The following RUBCN variants were observed in gnomAD, a reference collection of about 807,000 sequenced individuals.
The protein encoded by RUBCN is run domain Beclin-1-interacting and cysteine-rich domain-containing protein.
A neutral mutation model predicts 113.2 loss-of-function variants in RUBCN; 74 were observed. The observed-to-expected ratio is 0.65, with a 90% CI of 0.54 to 0.79. The LOEUF (loss-of-function observed/expected upper bound fraction) is 0.79, where lower values mean the gene tolerates loss of function less well. Among genes scored for constraint, RUBCN ranks in the 30% least tolerant of loss-of-function variants. RUBCN has a pLI of 0.00. For missense variants in RUBCN, 1,109 were observed against 1,251.7 expected (o/e 0.89, Z 1.72); for synonymous variants, 480 against 490.0 (o/e 0.98, Z 0.27).
intron 1 of RUBCN, among the ~76,000 whole-genome samples, chr3:197,731,887 T>C (rs941686911): frequency 6.6e-6 from 1 of 152,220 alleles, no homozygotes; most frequent in African/African-American, 2.4e-5. Context: ...TTTAGTACTA[T>C]AAGCCATTAT....
intron 2 of RUBCN, among the ~76,000 whole-genome samples, chr3:197,711,570 C>T (rs1433788396): frequency 2.6e-5 from 4 of 152,116 alleles, no homozygotes; most frequent in East Asian, 3.8e-4. Flanking sequence ...CATGGTGGCT[C>T]ATGCCTGTAA....
In RUBCN at chr3:197,673,350, A is replaced by G. The variant is rs570440477; in HGVS notation, c.*1668T>C. The G allele has an allele frequency of 2.0e-5, 3 of 151,606 alleles. No individual in the cohort carries two copies. The highest frequency in any genetic ancestry group is 4.2e-4 in the South Asian group (2 of 4,778). 9.4% of individuals were successfully genotyped at this position (151,606 alleles called of 1,614,324 possible). A position where few individuals can be genotyped will look rare whatever the true frequency, so the allele number is the denominator to read the frequency against. On this transcript the variant is annotated 3_prime_UTR_variant, in exon 20 of 20. Transcript: ENST00000296343. The stretch of plus-strand genomic sequence containing the variant: ...AATGCCTCTCCCACTTCCCTGGGAG[A>G]CTCCTTCTTACCGCCAGCTCAAGCT...
intron 10 of RUBCN, chr3:197,694,137 C>G (rs777168407): frequency 1.1e-5 from 7 of 639,650 alleles, no homozygotes; most frequent in Admixed American, 4.1e-5. Flanking sequence ...GTGATCCACC[C>G]GCCTCGGCCT....
In RUBCN at chr3:197,670,123, G is replaced by A. The variant is rs955467090; in HGVS notation, c.*4895C>T. The stretch of plus-strand genomic sequence containing the variant: ...AGGATGGTCCCAATCTCTTGACCTC[G>A]TGATCCGCCCGCCTCGGCCTCCCAA... On this transcript the variant is annotated 3_prime_UTR_variant, in exon 20 of 20. Transcript: ENST00000296343. Among the ~76,000 whole-genome samples the A allele has an allele frequency of 3.9e-5, 6 of 152,240 alleles. No homozygotes were observed. The highest frequency in any genetic ancestry group is 4.1e-4 in the South Asian group (2 of 4,828).
chr3:197,695,271 C>T (rs113121352), intron 9 of RUBCN, among the ~76,000 whole-genome samples: 4,282 of 150,366 alleles, frequency 0.028, 178 homozygotes, highest in African/African-American at 0.1. Flanking sequence ...AGACCCCAGA[C>T]GCAGTGGCTC....
In RUBCN at chr3:197,674,669, T is replaced by G. The variant is rs1043694194; in HGVS notation, c.*349A>C. 3.6e-5 allele frequency: 15 copies of G among 414,012 alleles called. No homozygotes were observed. The highest frequency in any genetic ancestry group is 5.6e-5 in the Non-Finnish European group (12 of 212,770). 25.6% of individuals were successfully genotyped at this position (414,012 alleles called of 1,614,324 possible). ...GGAAAATTGGAAATGATACCTGACA[T>G]GCAGGTGAAACCTAGAGGAGAAGGC... On this transcript the variant is annotated 3_prime_UTR_variant, in exon 20 of 20. Coordinates refer to ENST00000296343, the MANE Select transcript of RUBCN (RefSeq NM_014687.4).
At chr3:197,711,369 T>C (rs1463637115) in intron 2 of RUBCN, among the ~76,000 whole-genome samples, 1 of 152,196 alleles carries the variant, frequency 6.6e-6, no homozygotes, top group African/African-American at 2.4e-5. Context: ...AAATGACAGC[T>C]GTAAGAAAGA....
rs1161597396 is a variant in RUBCN at position 197,673,889 on chromosome 3, G to A, written c.*1129C>T. The A allele has an allele frequency of 2.0e-5, 3 of 152,310 alleles. No homozygotes were observed. The highest frequency in any genetic ancestry group is 4.4e-5 in the Non-Finnish European group (3 of 68,118). The allele number at this position is 152,310 out of a possible 1,614,324, so 9.4% of individuals were successfully genotyped here. A position where few individuals can be genotyped will look rare whatever the true frequency, so the allele number is the denominator to read the frequency against. On this transcript the variant is annotated 3_prime_UTR_variant, in exon 20 of 20. Transcript: ENST00000296343. ...TCACATCCACAAACCGTCAAGTTCT[G>A]TAACAGCACTAATAGCAGGAAGCTT...
chr3:197,713,795 C>T (rs904307586), intron 2 of RUBCN, among the ~76,000 whole-genome samples: 9 of 151,948 alleles, frequency 5.9e-5, no homozygotes, highest in African/African-American at 2.2e-4. Flanking sequence ...AAATTCCAGG[C>T]CAGGCACGGT....
chr3:197,707,644 T>C (rs897928381), intron 2 of RUBCN, among the ~76,000 whole-genome samples: 8 of 152,110 alleles, frequency 5.3e-5, no homozygotes, highest in Non-Finnish European at 1.0e-4. Context: ...TCTATGCAGA[T>C]AAAAGTTACA....
At chr3:197,687,426 A>G (rs1310338524) in intron 11 of RUBCN, among the ~76,000 whole-genome samples, 1 of 152,226 alleles carries the variant, frequency 6.6e-6, no homozygotes, top group Non-Finnish European at 1.5e-5. Flanking sequence ...TCAACTCCAA[A>G]TCTGCCCTTG....
At chr3:197,678,250 C>T (rs567125840) in intron 16 of RUBCN, among the ~76,000 whole-genome samples, 7 of 151,954 alleles carry the variant, frequency 4.6e-5, no homozygotes, top group African/African-American at 1.7e-4. Flanking sequence ...TCAGACTGTC[C>T]CACACTCTGA....
At chr3:197,722,795 T>C (rs188608247) in intron 1 of RUBCN, among the ~76,000 whole-genome samples, 1 of 152,274 alleles carries the variant, frequency 6.6e-6, no homozygotes, top group Admixed American at 6.5e-5. Context: ...GTCTTTTGGT[T>C]TCCATTTGCA....
chr3:197,681,046 G>A lies in RUBCN; in HGVS notation c.2430+83C>T. 1.5e-6 allele frequency: 1 copy of A among 686,640 alleles called. No individual in the cohort carries two copies. Among genetic ancestry groups the A allele is most frequent in the South Asian group, 1.5e-5 (1 of 65,110 alleles). The allele number at this position is 686,640 out of a possible 1,614,324, so 42.5% of individuals were successfully genotyped here. On this transcript the variant is annotated intron_variant, in intron 16 of 19. Transcript: ENST00000296343. The surrounding 1 kb of genome is among the most constrained non-coding windows in gnomAD (Gnocchi z 5.5). Reference sequence around the variant, plus strand: ...GAGGGGACAAGAGGAGGGGATGGGGGGAGGGGACGGGGGAGGGACGAGGGG... The same window carrying A: ...GAGGGGACAAGAGGAGGGGATGGGGAGAGGGGACGGGGGAGGGACGAGGGG...
intron 2 of RUBCN, among the ~76,000 whole-genome samples, chr3:197,711,890 T>A (rs1725010024): frequency 6.6e-6 from 1 of 152,174 alleles, no homozygotes; most frequent in Non-Finnish European, 1.5e-5. Flanking sequence ...CATAAATACA[T>A]AGAAAAAAGC....
chr3:197,738,528 C>G (rs1401065917), upstream of RUBCN, among the ~76,000 whole-genome samples: 1 of 152,250 alleles, frequency 6.6e-6, no homozygotes, highest in Non-Finnish European at 1.5e-5. Flanking sequence ...TCCTACTAAA[C>G]GATTATACTT....
chr3:197,703,813 A>G (rs73894306), intron 4 of RUBCN, among the ~76,000 whole-genome samples, 159 bp from the exon 5 acceptor site: 101 of 152,348 alleles, frequency 6.6e-4, no homozygotes, highest in African/African-American at 2.4e-3. Flanking sequence ...AGGTGCAGCA[A>G]AATGGCCAGG....
chr3:197,682,420 C>G (rs1721348522), intron 14 of RUBCN, 50 bp downstream of exon 14: 1 of 1,610,800 alleles, frequency 6.2e-7, no homozygotes, highest in Admixed American at 1.7e-5. Context: ...CCCTGACAAT[C>G]CAAAGAGGAC....
In RUBCN at chr3:197,742,626, G is replaced by A. The variant is rs117017651; in HGVS notation, c.-116+6643C>T. On this transcript the variant is annotated intron_variant, in intron 1 of 20. Transcript: ENST00000273582. ...GAAGGGACCCTCCACTGCATGAAGA[G>A]GGTCAGAGCTTGAGTGGCTGCTATG... 1.4e-3 allele frequency among the ~76,000 whole-genome samples: 210 copies of A among 152,384 alleles called. 3 individuals carry two copies. In the East Asian group the frequency reaches 0.036, roughly 26 times the overall value.
Sources: allele counts gnomAD v4.1 joint callset (sites outside exome capture counted in the v4.1 genomes callset), GRCh38; gene constraint gnomAD v4.1.1; non-coding constraint Gnocchi (gnomAD v3.1); transcripts MANE v1.5; gene names NCBI Gene and HGNC (gene_info 2026-07-23, HGNC 2026-07-21).